Variants in TEX29 observed in about 807,000 individuals in gnomAD.
The protein encoded by TEX29 is testis-expressed protein 29.
A neutral mutation model predicts 18.2 loss-of-function variants in TEX29; 26 were observed. That is an observed-to-expected ratio of 1.43 (90% confidence interval 1.04 to 1.98). The LOEUF is 1.98. TEX29 is among the 30% of genes most tolerant of loss of function. The pLI is 0.00. For synonymous variants in TEX29, 83 were observed against 78.5 expected, an observed-to-expected ratio of 1.06 and a Z score of -0.31; for missense variants, 177 against 194.2, an observed-to-expected ratio of 0.91 and a Z score of 0.53.
chr13:111,320,195 G>A (rs543004077), upstream of TEX29, among the ~76,000 whole-genome samples: 4 of 152,278 alleles, frequency 2.6e-5, no homozygotes, highest in African/African-American at 4.8e-5. Context: ...CCTGGCCCAC[G>A]CCCTGAGTTT....
chr13:111,339,115 C>T (rs1002041645), intron 3 of TEX29, among the ~76,000 whole-genome samples: 4 of 152,156 alleles, frequency 2.6e-5, no homozygotes, highest in African/African-American at 7.2e-5. Context: ...AGTGCACTCA[C>T]GCAGGGAAAC....
At chr13:111,329,943 C>T (rs1224899186) in intron 3 of TEX29, among the ~76,000 whole-genome samples, 1 of 152,012 alleles carries the variant, frequency 6.6e-6, no homozygotes, top group Non-Finnish European at 1.5e-5. Flanking sequence ...TGTAAGTAAG[C>T]CCATAATTAA....
chr13:111,321,017 C>A lies in TEX29; in HGVS notation c.58+69C>A, dbSNP rs574908676. 9.3e-6 allele frequency: 14 copies of A among 1,498,638 alleles called. No individual in the cohort carries two copies. The African/African-American group carries it at 1.7e-4, about 18-fold the overall frequency. The allele number at this position is 1,498,638 out of a possible 1,614,324, so 92.8% of individuals were successfully genotyped here. On this transcript the variant is annotated intron_variant, in intron 2 of 5. Coordinates refer to ENST00000283547, the MANE Select transcript of TEX29 (RefSeq NM_152324.3). The stretch of plus-strand genomic sequence containing the variant: ...AGTTGGGGGGGGGCACAGGGAGGAG[C>A]TGTTTGAGCCCCTGGCGCGGACAGG...
intron 2 of TEX29, 97 bp from the exon 3 acceptor site, chr13:111,328,086 C>G: frequency 1.3e-6 from 1 of 741,146 alleles, no homozygotes; most frequent in South Asian, 1.6e-5. Context: ...AACACAAACC[C>G]ACAGCTGCTC....
chr13:111,320,189 G>C (rs79370479), upstream of TEX29, among the ~76,000 whole-genome samples: 1,366 of 152,328 alleles, frequency 9.0e-3, 7 homozygotes, highest in Non-Finnish European at 0.016. Context: ...ATCCAGCCTG[G>C]CCCACGCCCT....
intron 2 of TEX29, among the ~76,000 whole-genome samples, chr13:111,323,210 C>T (rs1434290082): frequency 3.9e-5 from 6 of 152,238 alleles, no homozygotes; most frequent in South Asian, 2.1e-4. Flanking sequence ...GGCAGCTGGG[C>T]CTCCAGACAG....
upstream of TEX29, among the ~76,000 whole-genome samples, chr13:111,318,967 C>T (rs1477488375): frequency 6.6e-6 from 1 of 152,148 alleles, no homozygotes; most frequent in Non-Finnish European, 1.5e-5. Context: ...CTCCGAAGTC[C>T]CCTTCCTGGC....
chr13:111,330,948 C>T (rs978555499), intron 3 of TEX29, among the ~76,000 whole-genome samples: 18 of 152,156 alleles, frequency 1.2e-4, no homozygotes, highest in African/African-American at 3.9e-4. Context: ...ACCCATCTAT[C>T]GGTTTATAGA....
chr13:111,337,884 G>A (rs1004318404), intron 3 of TEX29, among the ~76,000 whole-genome samples: 3 of 152,132 alleles, frequency 2.0e-5, no homozygotes, highest in African/African-American at 7.2e-5. Context: ...CTTATCGAGC[G>A]CCCATTGGGT....
intron 2 of TEX29, among the ~76,000 whole-genome samples, chr13:111,324,298 G>A (rs2093669337): frequency 6.6e-6 from 1 of 152,190 alleles, no homozygotes; most frequent in Non-Finnish European, 1.5e-5. Flanking sequence ...GTGGGCCGCC[G>A]GGCAGTGTGG....
intron 3 of TEX29, among the ~76,000 whole-genome samples, chr13:111,333,073 G>A (rs554059806): frequency 6.6e-6 from 1 of 152,258 alleles, no homozygotes; most frequent in South Asian, 2.1e-4. Context: ...CTTCTGGCCT[G>A]CATGGTTTCT....
intron 3 of TEX29, among the ~76,000 whole-genome samples, chr13:111,339,133 G>T (rs2093693594): frequency 6.6e-6 from 1 of 152,236 alleles, no homozygotes; most frequent in Non-Finnish European, 1.5e-5. Flanking sequence ...AACCCAGGGT[G>T]GCGGGGCTGC....
At chr13:111,325,166 T>G (rs1248779661) in intron 2 of TEX29, among the ~76,000 whole-genome samples, 3 of 152,204 alleles carry the variant, frequency 2.0e-5, no homozygotes, top group Non-Finnish European at 4.4e-5. Context: ...CAGTCTCGTT[T>G]CAGTAGATCA....
chr13:111,328,106 G>GT lies in TEX29; in HGVS notation c.59-75dup. The GT allele has an allele frequency of 3.2e-6, 3 of 936,896 alleles. No homozygotes were observed. The East Asian group carries it at 7.3e-5, about 23-fold the overall frequency. The allele number at this position is 936,896 out of a possible 1,614,324, so 58.0% of individuals were successfully genotyped here. On this transcript the variant is annotated intron_variant, in intron 2 of 5. Coordinates refer to ENST00000283547, the MANE Select transcript of TEX29 (RefSeq NM_152324.3). ...AAACCCACAGCTGCTCCCCACACCG[G>GT]TTCCCAGGTTCTTTAGCGGAGAGCA...
chr13:111,331,493 A>G (rs750518412), intron 3 of TEX29, among the ~76,000 whole-genome samples: 91 of 152,034 alleles, frequency 6.0e-4, no homozygotes, highest in Non-Finnish European at 3.4e-4. Context: ...AATACTTTCT[A>G]TTATTCTCTT....
chr13:111,339,545 T>C lies in TEX29; in HGVS notation c.170-318T>C, dbSNP rs368202000. 3.9e-4 allele frequency: 183 copies of C among 468,906 alleles called. 1 individual carries two copies. The highest frequency in any genetic ancestry group is 3.0e-3 in the African/African-American group (149 of 50,054). The allele number at this position is 468,906 out of a possible 1,614,324, so 29.0% of individuals were successfully genotyped here. On this transcript the variant is annotated intron_variant, in intron 3 of 5. Coordinates refer to ENST00000283547, the MANE Select transcript of TEX29 (RefSeq NM_152324.3). ...GAGCCAGCGCCATCTTTCCATGCAC[T>C]CCCGGGGGTCAGGACCCAGTGCCGT...
upstream of TEX29, among the ~76,000 whole-genome samples, chr13:111,317,420 C>T (rs1044024010): frequency 6.6e-6 from 1 of 152,114 alleles, no homozygotes; most frequent in African/African-American, 2.4e-5. Flanking sequence ...GATGGCGTTG[C>T]CCTCTGGTGC....
upstream of TEX29, among the ~76,000 whole-genome samples, chr13:111,318,227 TA>T (rs1337490227): frequency 6.6e-6 from 1 of 152,126 alleles, no homozygotes; most frequent in Non-Finnish European, 1.5e-5. Flanking sequence ...GCTTCATAGT[TA>T]GGGGTCCTCA....
chr13:111,320,107 G>C (rs962442619), upstream of TEX29, among the ~76,000 whole-genome samples: 2 of 152,068 alleles, frequency 1.3e-5, no homozygotes. Flanking sequence ...ATGCTCCCTC[G>C]TCAGCCCCAG....
Sources: gnomAD v4.1 joint callset for allele counts (sites outside exome capture counted in the v4.1 genomes callset) on GRCh38, gnomAD v4.1.1 for gene constraint, MANE v1.5 for transcripts, NCBI Gene and HGNC (gene_info 2026-07-23, HGNC 2026-07-21) for gene names.